CALD1: variants seen among roughly 807,000 people sequenced by gnomAD.
CALD1 encodes the protein caldesmon.
A neutral mutation model predicts 99.9 loss-of-function variants in CALD1; 33 were observed. The ratio of observed to expected loss-of-function variants is 0.33; its 90% confidence interval spans 0.25 to 0.44. The LOEUF (loss-of-function observed/expected upper bound fraction) is 0.44. CALD1 is among the 20% of genes least tolerant of loss of function. The probability of loss-of-function intolerance (pLI) is 1.00; values close to 1 mark genes in which losing one functional copy is unlikely to be tolerated. For missense variants in CALD1, 861 were observed against 962.1 expected, an observed-to-expected ratio of 0.89 and a Z score of 1.39; for synonymous variants, 310 against 325.0, an observed-to-expected ratio of 0.95 and a Z score of 0.50.
At chr7:134,846,991 A>G (rs3800725) in intron 2 of CALD1, among the ~76,000 whole-genome samples, 21,141 of 152,252 alleles carry the variant, frequency 0.14, 1,602 homozygotes, top group African/African-American at 0.2. Flanking sequence ...GGGTGTTCCA[A>G]TGAATGATGG....
intron 1 of CALD1, among the ~76,000 whole-genome samples, chr7:134,834,631 C>T (rs1316866062): frequency 6.6e-6 from 1 of 152,188 alleles, no homozygotes; most frequent in African/African-American, 2.4e-5. Flanking sequence ...CTATGAAAAT[C>T]ATTTAAGAAT....
intron 3 of CALD1, among the ~76,000 whole-genome samples, chr7:134,913,785 G>C (rs938780781): frequency 3.3e-5 from 5 of 152,234 alleles, no homozygotes; most frequent in African/African-American, 1.2e-4. Flanking sequence ...AACAGCCATA[G>C]ATGATAGAGG....
At chr7:134,799,395 C>A (rs1258705006) in intron 1 of CALD1, among the ~76,000 whole-genome samples, 1 of 152,174 alleles carries the variant, frequency 6.6e-6, no homozygotes, top group Non-Finnish European at 1.5e-5. Flanking sequence ...AGGAAGACAT[C>A]AAAGTCAAGG....
At chr7:134,782,570 C>A (rs1377736162) in intron 1 of CALD1, among the ~76,000 whole-genome samples, 1 of 152,102 alleles carries the variant, frequency 6.6e-6, no homozygotes, top group Non-Finnish European at 1.5e-5. Flanking sequence ...CTTAAGTAAC[C>A]CTGACCTTTT....
chr7:134,750,574 G>A (rs1796677808), intron 1 of CALD1, among the ~76,000 whole-genome samples: 1 of 152,090 alleles, frequency 6.6e-6, no homozygotes, highest in African/African-American at 2.4e-5. Flanking sequence ...GTACATGTTT[G>A]ACTATGTTTA....
Position 134,944,727 on chromosome 7 carries a change from G to A in CALD1, c.1533-2781G>A, listed in dbSNP as rs537420936. The stretch of plus-strand genomic sequence containing the variant: ...GATATCTACGTTGACATCTAGTTAA[G>A]AATGACCTTACTACTTGCTAATAAG... On this transcript the variant is annotated intron_variant, in intron 7 of 14. Coordinates refer to ENST00000361675, the MANE Select transcript of CALD1 (RefSeq NM_033138.4). Among the ~76,000 whole-genome samples, 197 of 152,238 alleles carry A rather than the reference G, an allele frequency of 1.3e-3. 1 individual carries two copies. The highest frequency in any genetic ancestry group is 2.3e-3 in the Non-Finnish European group (158 of 68,014).
chr7:134,795,449 A>G (rs1441592113), intron 1 of CALD1, among the ~76,000 whole-genome samples: 2 of 152,186 alleles, frequency 1.3e-5, no homozygotes, highest in Non-Finnish European at 2.9e-5. Flanking sequence ...AGGAACTGTG[A>G]GTCAATTAAA....
intron 1 of CALD1, among the ~76,000 whole-genome samples, chr7:134,834,900 A>G (rs1799370493): frequency 6.6e-6 from 1 of 152,202 alleles, no homozygotes; most frequent in Non-Finnish European, 1.5e-5. Context: ...GGCCCTGTGC[A>G]CAAAATGGTC....
the CALD1 span, among the ~76,000 whole-genome samples, chr7:134,737,500 A>G: frequency 6.6e-6 from 1 of 152,098 alleles, no homozygotes; most frequent in Non-Finnish European, 1.5e-5. Flanking sequence ...TTAAAAAAAA[A>G]TCTGCCTTTT....
chr7:134,728,525 G>A, the CALD1 span, among the ~76,000 whole-genome samples: 1 of 152,222 alleles, frequency 6.6e-6, no homozygotes, highest in African/African-American at 2.4e-5. Flanking sequence ...ACTTGTTATA[G>A]TTGACGATAT....
chr7:134,897,602 T>G (rs907651469), intron 3 of CALD1, among the ~76,000 whole-genome samples: 1 of 152,110 alleles, frequency 6.6e-6, no homozygotes, highest in African/African-American at 2.4e-5. Context: ...GTCCCTGCCT[T>G]CAGGGCAGCT....
chr7:134,724,076 G>A, the CALD1 span, among the ~76,000 whole-genome samples: 1 of 152,234 alleles, frequency 6.6e-6, no homozygotes, highest in African/African-American at 2.4e-5. Flanking sequence ...AGGAGAATCT[G>A]TCCATAAAAG....
At chr7:134,840,780 C>A (rs1799618787) in intron 1 of CALD1, among the ~76,000 whole-genome samples, 3 of 152,190 alleles carry the variant, frequency 2.0e-5, no homozygotes. Flanking sequence ...ATGAATCTTA[C>A]TTCCAAGTGG....
chr7:134,722,230 T>C, the CALD1 span, among the ~76,000 whole-genome samples: 1 of 152,170 alleles, frequency 6.6e-6, no homozygotes, highest in African/African-American at 2.4e-5. Flanking sequence ...CCCTCTCTTC[T>C]ATTGTTCCTT....
At chr7:134,841,892 G>C (rs746435509) in intron 1 of CALD1, among the ~76,000 whole-genome samples, 7 of 152,304 alleles carry the variant, frequency 4.6e-5, no homozygotes, top group African/African-American at 7.2e-5. Context: ...GGCTTCTCAA[G>C]GGCTCTGCCT....
At chr7:134,928,990 G>C in intron 4 of CALD1, 90 bp downstream of exon 4, 1 of 1,167,906 alleles carries the variant, frequency 8.6e-7, no homozygotes, top group Non-Finnish European at 1.2e-6. Flanking sequence ...TCCTTTCTCA[G>C]CCCAACTCAA....
At chr7:134,855,454 A>G (rs1054173985) in intron 2 of CALD1, among the ~76,000 whole-genome samples, 1 of 152,264 alleles carries the variant, frequency 6.6e-6, no homozygotes, top group African/African-American at 2.4e-5. Context: ...CAATCCCACA[A>G]TAGTTTCTTG....
the CALD1 span, among the ~76,000 whole-genome samples, chr7:134,718,403 G>T: frequency 1.3e-5 from 2 of 152,078 alleles, no homozygotes; most frequent in African/African-American, 4.8e-5. Flanking sequence ...CTTGCCCAAG[G>T]TCACTCTGTG....
chr7:134,885,546 G>A (rs1365687485), intron 3 of CALD1, among the ~76,000 whole-genome samples: 1 of 152,130 alleles, frequency 6.6e-6, no homozygotes, highest in Non-Finnish European at 1.5e-5. Context: ...GATGCAAAAG[G>A]TGGACACCCA....
Sources: allele counts gnomAD v4.1 joint callset (sites outside exome capture counted in the v4.1 genomes callset), GRCh38; gene constraint gnomAD v4.1.1; transcripts MANE v1.5; gene names NCBI Gene and HGNC (gene_info 2026-07-23, HGNC 2026-07-21).